POU6F2: variants seen among roughly 807,000 people sequenced by gnomAD.
POU6F2 encodes the protein POU domain, class 6, transcription factor 2.
Under a neutral mutation model 71.3 loss-of-function variants are expected in POU6F2, and 31 were observed. That is an observed-to-expected ratio of 0.43 (90% CI 0.33 to 0.59). The LOEUF (loss-of-function observed/expected upper bound fraction) is 0.59. Among genes scored for constraint, POU6F2 ranks in the 20% least tolerant of loss-of-function variants. POU6F2 has a pLI of 0.04. For synonymous variants in POU6F2, 347 were observed against 355.7 expected, an observed-to-expected ratio of 0.98 and a Z score of 0.27; for missense variants, 783 against 856.8, an observed-to-expected ratio of 0.91 and a Z score of 1.07.
chr7:39,434,185 A>G (rs1405392368), intron 7 of POU6F2, among the ~76,000 whole-genome samples: 2 of 152,190 alleles, frequency 1.3e-5, no homozygotes, highest in Non-Finnish European at 2.9e-5. Context: ...AAGGGTTAAT[A>G]ACATTCCAAG....
At chr7:38,994,468 C>T (rs945753885) in intron 1 of POU6F2, among the ~76,000 whole-genome samples, 2 of 151,876 alleles carry the variant, frequency 1.3e-5, no homozygotes, top group African/African-American at 4.8e-5. Flanking sequence ...AGGCTTTGGG[C>T]ACAGAAAAAA....
intron 8 of POU6F2, among the ~76,000 whole-genome samples, chr7:39,458,476 A>G (rs1788858018): frequency 6.6e-6 from 1 of 152,044 alleles, no homozygotes; most frequent in Admixed American, 6.5e-5. Context: ...TTCACGGGGA[A>G]AGGAAAAAAG....
At chr7:39,019,810 A>T (rs1334561465) in intron 1 of POU6F2, among the ~76,000 whole-genome samples, 1 of 152,002 alleles carries the variant, frequency 6.6e-6, no homozygotes, top group Non-Finnish European at 1.5e-5. Context: ...TATTTTGTCA[A>T]ATCTTCTTCA....
chr7:39,113,697 G>T lies in POU6F2; in HGVS notation c.277+27666G>T, dbSNP rs142821514. Among the ~76,000 whole-genome samples the T allele has an allele frequency of 7.2e-5, 11 of 152,264 alleles. No homozygotes were observed. The East Asian group carries it at 2.1e-3, about 29-fold the overall frequency. On this transcript the variant is annotated intron_variant, in intron 2 of 9. Coordinates refer to ENST00000518318, the MANE Select transcript of POU6F2 (RefSeq NM_001370959.1). Reference sequence around the variant, plus strand: ...TTGGCTGTTTAGGGACTGGGCCTCAGAAATAGTTTATCTTTAGTTTCTGCA... The same window carrying T: ...TTGGCTGTTTAGGGACTGGGCCTCATAAATAGTTTATCTTTAGTTTCTGCA...
rs139104241 is a variant in POU6F2, at chr7:39,154,859, G to C, written c.278-49376G>C. Among the ~76,000 whole-genome samples the C allele has an allele frequency of 2.8e-3, 432 of 152,276 alleles. 1 individual carries two copies. Among genetic ancestry groups the C allele is most frequent in the African/African-American group, 9.9e-3 (410 of 41,560 alleles). ...GCAGAACCCCAGCAAAATGGAGAAGGTGGCTGTGTTTCTGTAGTAATCCCA... is the reference window on the plus strand; with the variant it reads ...GCAGAACCCCAGCAAAATGGAGAAGCTGGCTGTGTTTCTGTAGTAATCCCA... On this transcript the variant is annotated intron_variant, in intron 2 of 9. Transcript: ENST00000518318.
At position 39,328,199 on chromosome 7, in the gene POU6F2, G is replaced by C. The variant is rs531901672; in HGVS notation, c.599-11443G>C. 2.0e-5 allele frequency among the ~76,000 whole-genome samples: 3 copies of C among 152,314 alleles called. No homozygotes were observed. The East Asian group carries it at 5.8e-4, about 29-fold the overall frequency. On this transcript the variant is annotated intron_variant, in intron 4 of 9. Transcript: ENST00000518318. ...CTCCCAAAGTGCTGGGATTACAGGC[G>C]TGAGCCACCGCACCCGACCGAATCG... is the stretch of plus-strand genomic sequence containing the variant.
rs1157578651 is a variant in POU6F2 at position 38,978,062 on chromosome 7, TG to T, written c.105+6del. ...CATGCAAGCTGTAATTGGTCAGGTA[TG>T]GAGTCAGCCATTTCTCAACTCCCCT... is the stretch of plus-strand genomic sequence containing the variant. On this transcript the variant is annotated splice_donor_5th_base_variant and intron_variant, in intron 1 of 9. Transcript: ENST00000518318. 1 of 152,230 alleles carries T rather than the reference TG, an allele frequency of 6.6e-6. No individual in the cohort carries two copies. 9.4% of individuals were successfully genotyped at this position (152,230 alleles called of 1,614,324 possible).
At chr7:39,295,660 C>G (rs997908615) in intron 4 of POU6F2, among the ~76,000 whole-genome samples, 2 of 152,156 alleles carry the variant, frequency 1.3e-5, no homozygotes, top group African/African-American at 4.8e-5. Flanking sequence ...CAGCTCAAAC[C>G]TAGTATTTAG....
chr7:39,352,241 A>C (rs1216231181), intron 5 of POU6F2, among the ~76,000 whole-genome samples: 2 of 152,202 alleles, frequency 1.3e-5, no homozygotes, highest in Non-Finnish European at 2.9e-5. Flanking sequence ...TGAGATAGCT[A>C]ACAGAAACCC....
At chr7:39,011,055 C>A (rs922233873) in intron 1 of POU6F2, among the ~76,000 whole-genome samples, 2 of 126,616 alleles carry the variant, frequency 1.6e-5, no homozygotes, top group African/African-American at 2.9e-5. Flanking sequence ...TGGTGCAGAG[C>A]TGAGTTCAAT....
intron 6 of POU6F2, among the ~76,000 whole-genome samples, chr7:39,424,632 C>A (rs1208935205): frequency 6.6e-6 from 1 of 152,070 alleles, no homozygotes; most frequent in Non-Finnish European, 1.5e-5. Context: ...GTAATATAAT[C>A]TTGTGTAAAT....
chr7:39,261,143 CCA>C (rs1395619687), intron 4 of POU6F2, among the ~76,000 whole-genome samples: 1 of 152,082 alleles, frequency 6.6e-6, no homozygotes, highest in Non-Finnish European at 1.5e-5. Context: ...ATGAAAGCTG[CCA>C]CAGAGACAAA....
intron 2 of POU6F2, among the ~76,000 whole-genome samples, chr7:39,093,679 C>T (rs1000574219): frequency 6.6e-6 from 1 of 152,026 alleles, no homozygotes; most frequent in African/African-American, 2.4e-5. Context: ...ATAATTATGA[C>T]AGAAGTTTGT....
In POU6F2 at chr7:39,122,610, AT is replaced by A. The variant is rs569279042; in HGVS notation, c.277+36583del. Reference sequence around the variant, plus strand: ...ATGCTCCATTTTCTGTTTTGTCTTTATTTTAGATTGACTGCTATCTTAACCT... The same window carrying A: ...ATGCTCCATTTTCTGTTTTGTCTTTATTTAGATTGACTGCTATCTTAACCT... On this transcript the variant is annotated intron_variant, in intron 2 of 9. Transcript: ENST00000518318. Among the ~76,000 whole-genome samples, 292 of 151,732 alleles carry A rather than the reference AT, an allele frequency of 1.9e-3. 1 individual carries two copies. The highest frequency in any genetic ancestry group is 6.9e-3 in the African/African-American group (284 of 41,364).
intron 5 of POU6F2, among the ~76,000 whole-genome samples, chr7:39,378,630 A>G (rs1225518222): frequency 6.6e-6 from 1 of 152,128 alleles, no homozygotes; most frequent in African/African-American, 2.4e-5. Flanking sequence ...AAATGAGCCC[A>G]TTTACAGATC....
At chr7:39,385,485 T>C (rs1241839238) in intron 5 of POU6F2, among the ~76,000 whole-genome samples, 1 of 152,136 alleles carries the variant, frequency 6.6e-6, no homozygotes, top group Non-Finnish European at 1.5e-5. Context: ...TGAAAGAACA[T>C]GTTGGGTTCT....
chr7:39,098,970 C>G (rs1444974118), intron 2 of POU6F2, among the ~76,000 whole-genome samples: 1 of 152,196 alleles, frequency 6.6e-6, no homozygotes, highest in Non-Finnish European at 1.5e-5. Flanking sequence ...AAGGGTCCTC[C>G]TGATCAAAGA....
intron 1 of POU6F2, among the ~76,000 whole-genome samples, chr7:39,036,119 A>G (rs966382038): frequency 6.6e-6 from 1 of 152,086 alleles, no homozygotes; most frequent in Non-Finnish European, 1.5e-5. Context: ...CAAGGAGTAC[A>G]GGCTGTCTCT....
chr7:39,422,115 A>G (rs1036569979), intron 6 of POU6F2, among the ~76,000 whole-genome samples: 1 of 152,234 alleles, frequency 6.6e-6, no homozygotes, highest in Non-Finnish European at 1.5e-5. Context: ...CCATAGTTTA[A>G]TTTGTAGTCA....
Sources: allele counts gnomAD v4.1 joint callset (sites outside exome capture counted in the v4.1 genomes callset), GRCh38; gene constraint gnomAD v4.1.1; transcripts MANE v1.5; gene names NCBI Gene and HGNC (gene_info 2026-07-23, HGNC 2026-07-21).